The following KNTC1 variants were observed in gnomAD, a reference collection of about 807,000 sequenced individuals.
The protein encoded by KNTC1 is kinetochore-associated protein 1.
Under a neutral mutation model 314.4 loss-of-function variants are expected in KNTC1, and 253 were observed. That is an observed-to-expected ratio of 0.80 (90% CI 0.73 to 0.89). The LOEUF (loss-of-function observed/expected upper bound fraction) is 0.89, where lower values mean the gene tolerates loss of function less well. KNTC1 is among the 40% of genes least tolerant of loss of function. The probability of loss-of-function intolerance (pLI) is 0.00; values close to 1 mark genes in which losing one functional copy is unlikely to be tolerated. For missense variants in KNTC1, 2,475 were observed against 2,572.9 expected, an observed-to-expected ratio of 0.96 and a Z score of 0.82; for synonymous variants, 901 against 901.4, an observed-to-expected ratio of 1.00 and a Z score of 0.01.
intron 44 of KNTC1, among the ~76,000 whole-genome samples, chr12:122,599,015 AT>A (rs202144728): frequency 6.6e-5 from 10 of 151,820 alleles, no homozygotes; most frequent in South Asian, 2.1e-4. Flanking sequence ...TAAAAAAAAA[AT>A]TTTTTTGTGC....
At chr12:122,617,149 A>G (rs982594112) in intron 57 of KNTC1, among the ~76,000 whole-genome samples, 2 of 152,204 alleles carry the variant, frequency 1.3e-5, no homozygotes, top group African/African-American at 2.4e-5. Context: ...ATTTTTGGTC[A>G]TTATAAATAA....
intron 4 of KNTC1, 89 bp from the exon 5 acceptor site, chr12:122,539,587 T>C (rs1350101549): frequency 1.1e-6 from 1 of 891,102 alleles, no homozygotes; most frequent in East Asian, 2.8e-5. Context: ...TTGCTAATGA[T>C]AATTGATAAC....
intron 51 of KNTC1, 41 bp from the exon 52 acceptor site, chr12:122,609,343 A>G: frequency 7.8e-7 from 1 of 1,277,240 alleles, no homozygotes; most frequent in South Asian, 1.3e-5. Context: ...TTAGTCATAA[A>G]CTTTTTCAGT....
chr12:122,557,547 G>A (rs1253683302), intron 17 of KNTC1, 38 bp downstream of exon 17: 1 of 1,611,756 alleles, frequency 6.2e-7, no homozygotes. Flanking sequence ...TATTTAGATT[G>A]ACGTGTTGAT....
intron 11 of KNTC1, 105 bp downstream of exon 11, chr12:122,547,635 T>G (rs1044605818): frequency 2.2e-5 from 17 of 777,176 alleles, no homozygotes; most frequent in Non-Finnish European, 2.7e-5. Flanking sequence ...TAAACAACAC[T>G]GTGAAACAGT....
At chr12:122,579,769 C>G in intron 31 of KNTC1, 136 bp from the exon 32 acceptor site, 1 of 626,160 alleles carries the variant, frequency 1.6e-6, no homozygotes, top group Non-Finnish European at 2.8e-6. Flanking sequence ...CGCTCATTAA[C>G]CATCCATTTC....
chr12:122,585,097 G>C (rs866802239), intron 36 of KNTC1, 107 bp downstream of exon 36: 1 of 666,130 alleles, frequency 1.5e-6, no homozygotes, highest in East Asian at 2.7e-5. Context: ...GAGTGCAGTG[G>C]CATGATCAAG....
intron 16 of KNTC1, among the ~76,000 whole-genome samples, chr12:122,553,391 A>G (rs1348119570): frequency 2.6e-5 from 4 of 152,138 alleles, no homozygotes; most frequent in Admixed American, 1.3e-4. Flanking sequence ...ACAGTCGTGC[A>G]TGCTGGTAGT....
At chr12:122,559,607 C>G (rs1205184077) in intron 18 of KNTC1, among the ~76,000 whole-genome samples, 1 of 152,232 alleles carries the variant, frequency 6.6e-6, no homozygotes, top group South Asian at 2.1e-4. Flanking sequence ...GAGTCTCGCA[C>G]TGTCACCCAG....
intron 57 of KNTC1, among the ~76,000 whole-genome samples, chr12:122,616,159 A>T (rs1593687925): frequency 6.6e-6 from 1 of 152,274 alleles, no homozygotes; most frequent in South Asian, 2.1e-4. Flanking sequence ...AGAACAATAT[A>T]GAAGTATGCT....
At chr12:122,583,369 G>T (rs909826630) in intron 34 of KNTC1, among the ~76,000 whole-genome samples, 8 of 152,196 alleles carry the variant, frequency 5.3e-5, no homozygotes, top group Admixed American at 3.9e-4. Flanking sequence ...TTTTTTCACA[G>T]AAGCAATTCT....
chr12:122,567,549 A>T (rs1964426415), intron 20 of KNTC1, among the ~76,000 whole-genome samples: 1 of 152,082 alleles, frequency 6.6e-6, no homozygotes, highest in African/African-American at 2.4e-5. Context: ...TTACTTATTT[A>T]AAAAATAGGC....
chr12:122,618,215 A>T, intron 57 of KNTC1, 128 bp from the exon 58 acceptor site: 1 of 750,982 alleles, frequency 1.3e-6, no homozygotes, highest in Non-Finnish European at 2.2e-6. Context: ...CAAGTGATTC[A>T]CCTGCTTCAG....
intron 26 of KNTC1, 60 bp from the exon 27 acceptor site, chr12:122,574,222 G>A (rs1964879913): frequency 2.1e-6 from 2 of 931,438 alleles, no homozygotes; most frequent in South Asian, 3.0e-5. Flanking sequence ...AGCTGTATGT[G>A]GCATTTTTTT....
intron 20 of KNTC1, among the ~76,000 whole-genome samples, chr12:122,566,047 A>T (rs1964312540): frequency 7.0e-6 from 1 of 143,098 alleles, no homozygotes; most frequent in Non-Finnish European, 1.5e-5. Flanking sequence ...GATTCAAGTG[A>T]TTCTCCTGCC....
chr12:122,594,720 T>G (rs886468583), intron 43 of KNTC1, among the ~76,000 whole-genome samples: 20 of 152,330 alleles, frequency 1.3e-4, no homozygotes, highest in African/African-American at 4.6e-4. Flanking sequence ...GCTCAGGTGA[T>G]TCCTATGATC....
intron 48 of KNTC1, among the ~76,000 whole-genome samples, chr12:122,604,098 CAG>C (rs752672269): frequency 8.0e-5 from 12 of 150,118 alleles, no homozygotes; most frequent in Non-Finnish European, 1.5e-4. Context: ...CACACACACA[CAG>C]AAAACTCCTA....
intron 16 of KNTC1, among the ~76,000 whole-genome samples, chr12:122,553,544 A>C (rs1963342092): frequency 6.7e-6 from 1 of 149,918 alleles, no homozygotes; most frequent in African/African-American, 2.5e-5. Flanking sequence ...ATTAAAATTA[A>C]AAAAAAAATG....
At chr12:122,566,299 G>T (rs1307075273) in intron 20 of KNTC1, among the ~76,000 whole-genome samples, 4 of 150,372 alleles carry the variant, frequency 2.7e-5, no homozygotes, top group African/African-American at 4.9e-5. Context: ...CCAGGCTCGA[G>T]TGCGGTGGCT....
Sources: gnomAD v4.1 joint callset for allele counts (sites outside exome capture counted in the v4.1 genomes callset) on GRCh38, gnomAD v4.1.1 for gene constraint, MANE v1.5 for transcripts, NCBI Gene and HGNC (gene_info 2026-07-23, HGNC 2026-07-21) for gene names.